Variants in BCAR3 observed in about 807,000 individuals in gnomAD.
BCAR3 encodes BCAR3 adaptor protein, NSP family member.
BCAR3 carries 37 observed loss-of-function variants against 80.1 expected under a neutral mutation model. The observed-to-expected ratio is 0.46, with a 90% CI of 0.36 to 0.61. The LOEUF is 0.61. Among genes scored for constraint, BCAR3 ranks in the 20% least tolerant of loss-of-function variants. The pLI is 0.00. For missense variants in BCAR3, 978 were observed against 1,068.2 expected, an observed-to-expected ratio of 0.92 and a Z score of 1.18; for synonymous variants, 389 against 418.9, an observed-to-expected ratio of 0.93 and a Z score of 0.87.
intron 2 of BCAR3, among the ~76,000 whole-genome samples, chr1:93,653,710 A>T (rs1390366899): frequency 6.6e-6 from 1 of 152,186 alleles, no homozygotes; most frequent in Non-Finnish European, 1.5e-5. Flanking sequence ...GGTGGGAAAC[A>T]CTGTGGAGAG....
In BCAR3 at chr1:93,589,020, C is replaced by A; in HGVS notation, c.886G>T (p.Val296Phe). 2 of 1,599,896 alleles carry A rather than the reference C, an allele frequency of 1.3e-6. No individual in the cohort carries two copies. The highest frequency in any genetic ancestry group is 1.7e-6 in the Non-Finnish European group (2 of 1,170,210). Residue 296 changes from valine to phenylalanine, a missense_variant, in exon 5 of 12, where the codon GTC (valine) becomes TTC (phenylalanine). Transcript: ENST00000260502. The part of the protein sequence containing the change: ...AKRLSLTMGG[V>F]QAREQNLPRG... ...GGCAAATTCTGCTCTCGGGCCTGGACGCCACCCATGGTGAGGCTCAGCCTC... is the reference window on the plus strand; with the variant it reads ...GGCAAATTCTGCTCTCGGGCCTGGAAGCCACCCATGGTGAGGCTCAGCCTC...
At chr1:93,674,341 T>C (rs546228638) in intron 2 of BCAR3, among the ~76,000 whole-genome samples, 5 of 152,306 alleles carry the variant, frequency 3.3e-5, no homozygotes, top group Admixed American at 3.3e-4. Flanking sequence ...CTGCAACCTC[T>C]GCCTCCCGGA....
In BCAR3 at chr1:93,720,706, G is replaced by A. The variant is rs185763402; in HGVS notation, c.-62-14564C>T. 3.2e-3 allele frequency among the ~76,000 whole-genome samples: 481 copies of A among 152,280 alleles called. 3 individuals are homozygous for A. The highest frequency in any genetic ancestry group is 8.2e-3 in the Admixed American group (126 of 15,298). On this transcript the variant is annotated intron_variant, in intron 2 of 13. Coordinates refer to the BCAR3 transcript ENST00000370244. The stretch of plus-strand genomic sequence containing the variant: ...CAGAATCACTTTTATTAAAATAAAT[G>A]AACAACTACAAACAAAAGGTAGAAA...
intron 2 of BCAR3, among the ~76,000 whole-genome samples, chr1:93,709,098 C>T (rs995407934): frequency 5.9e-5 from 9 of 152,092 alleles, no homozygotes; most frequent in African/African-American, 9.7e-5. Context: ...AAAGGGAGGG[C>T]CTGGGAGCCC....
Position 93,582,688 on chromosome 1 carries a change from G to A in BCAR3, c.1299C>T (p.Asn433=). Residue 433 remains asparagine (N), a synonymous_variant, in exon 7 of 12, where the codon AAC becomes AAT. Transcript: ENST00000260502. ...TGCCGCAGCCTGTGGCAAACGCTGG[G>A]TTCAGTTCACAGTAGTTGGCCTCTG... The part of the protein sequence containing the change: ...LNSEANYCEL[N]PAFATGCGRG... 6.2e-7 allele frequency: 1 copy of A among 1,614,070 alleles called. No individual in the cohort carries two copies. Among genetic ancestry groups the A allele is most frequent in the South Asian group, 1.1e-5 (1 of 91,076 alleles).
At chr1:93,741,631 C>T (rs983508155) in intron 2 of BCAR3, among the ~76,000 whole-genome samples, 32 of 152,110 alleles carry the variant, frequency 2.1e-4, no homozygotes, top group African/African-American at 6.0e-4. Flanking sequence ...AGTGCAATGG[C>T]GCTATCGGCT....
chr1:93,627,138 A>G (rs1254706479), intron 3 of BCAR3, among the ~76,000 whole-genome samples: 2 of 152,192 alleles, frequency 1.3e-5, no homozygotes, highest in African/African-American at 2.4e-5. Flanking sequence ...TTCTGATGAG[A>G]TCGGTGGTCA....
chr1:93,626,118 T>C (rs1027736966), intron 3 of BCAR3, among the ~76,000 whole-genome samples: 2 of 152,220 alleles, frequency 1.3e-5, no homozygotes, highest in African/African-American at 4.8e-5. Flanking sequence ...TTGGTTATGT[T>C]ACATAGAGTT....
intron 2 of BCAR3, among the ~76,000 whole-genome samples, chr1:93,667,818 C>T (rs1281390491): frequency 6.6e-6 from 1 of 152,218 alleles, no homozygotes; most frequent in South Asian, 2.1e-4. Flanking sequence ...AGCCATGTGG[C>T]TCAGGCCGGT....
At chr1:93,646,971 G>T (rs1055115774) in intron 2 of BCAR3, among the ~76,000 whole-genome samples, 4 of 152,088 alleles carry the variant, frequency 2.6e-5, no homozygotes, top group African/African-American at 4.8e-5. Flanking sequence ...AAACAAACTT[G>T]TCATAATTTA....
At chr1:93,674,541 C>G in intron 2 of BCAR3, 73 bp downstream of exon 2, 1 of 1,504,542 alleles carries the variant, frequency 6.6e-7, no homozygotes, top group Non-Finnish European at 9.0e-7. Flanking sequence ...TGAGCCACCA[C>G]GCCCGGCCAT....
At chr1:93,698,378 A>G (rs1649499974) in intron 3 of BCAR3, among the ~76,000 whole-genome samples, 1 of 152,228 alleles carries the variant, frequency 6.6e-6, no homozygotes, top group Non-Finnish European at 1.5e-5. Context: ...AAAGTTTAGG[A>G]GAACATAAAA....
At chr1:93,749,655 G>GA (rs1202164592) in intron 2 of BCAR3, among the ~76,000 whole-genome samples, 3 of 151,596 alleles carry the variant, frequency 2.0e-5, no homozygotes, top group Non-Finnish European at 2.9e-5. Context: ...CTGAAACTAG[G>GA]AAGTAAATTT....
At chr1:93,667,640 C>T (rs1336315609) in intron 2 of BCAR3, among the ~76,000 whole-genome samples, 1 of 152,172 alleles carries the variant, frequency 6.6e-6, no homozygotes, top group Admixed American at 6.5e-5. Flanking sequence ...GTTTCTCAGA[C>T]CTCTCTAACT....
upstream of BCAR3, among the ~76,000 whole-genome samples, chr1:93,684,995 G>T (rs1648922193): frequency 6.6e-6 from 1 of 152,202 alleles, no homozygotes; most frequent in Admixed American, 6.5e-5. Flanking sequence ...CTCCCAAAGT[G>T]CTGGGATTAT....
At chr1:93,845,292 A>G (rs996338312) in intron 2 of BCAR3, among the ~76,000 whole-genome samples, 1 of 151,962 alleles carries the variant, frequency 6.6e-6, no homozygotes, top group Non-Finnish European at 1.5e-5. Context: ...AGACCAGTGG[A>G]GACCCTGAGA....
chr1:93,814,164 T>C (rs895032028), intron 2 of BCAR3, among the ~76,000 whole-genome samples: 3 of 152,200 alleles, frequency 2.0e-5, no homozygotes, highest in Non-Finnish European at 2.9e-5. Context: ...GTAAATGGCC[T>C]CTTGGTGGAG....
At chr1:93,629,181 G>A (rs1341694819) in intron 3 of BCAR3, among the ~76,000 whole-genome samples, 2 of 152,088 alleles carry the variant, frequency 1.3e-5, no homozygotes, top group Non-Finnish European at 2.9e-5. Flanking sequence ...AAGCAACATG[G>A]AGCACCTACT....
intron 3 of BCAR3, among the ~76,000 whole-genome samples, chr1:93,620,751 A>G (rs1019807052): frequency 6.6e-6 from 1 of 152,128 alleles, no homozygotes; most frequent in African/African-American, 2.4e-5. Flanking sequence ...CGACTCCTTC[A>G]TATTTCCCCG....
Sources: allele counts gnomAD v4.1 joint callset (sites outside exome capture counted in the v4.1 genomes callset), GRCh38; gene constraint gnomAD v4.1.1; transcripts MANE v1.5; gene names NCBI Gene and HGNC (gene_info 2026-07-23, HGNC 2026-07-21).